The following TCEANC2 variants were observed in gnomAD, a reference collection of about 807,000 sequenced individuals.
TCEANC2 encodes the protein transcription elongation factor A N-terminal and central domain-containing protein 2.
A neutral mutation model predicts 22.8 loss-of-function variants in TCEANC2; 20 were observed. The observed-to-expected ratio is 0.88, with a 90% CI of 0.62 to 1.28. TCEANC2 has a LOEUF of 1.28. TCEANC2 is among the 50% of genes most tolerant of loss of function. TCEANC2 has a pLI of 0.00. For synonymous variants in TCEANC2, 84 were observed against 95.5 expected (o/e 0.88, Z 0.70); for missense variants, 251 against 249.7 (o/e 1.01, Z -0.03).
At chr1:54,067,271 A>G (rs1657974296) in intron 2 of TCEANC2, among the ~76,000 whole-genome samples, 1 of 152,182 alleles carries the variant, frequency 6.6e-6, no homozygotes, top group Admixed American at 6.5e-5. Context: ...ATGAAAATTG[A>G]TGGGTCCACA....
At chr1:54,109,372 G>A (rs1658808143), downstream of TCEANC2, among the ~76,000 whole-genome samples, 1 of 152,208 alleles carries the variant, frequency 6.6e-6, no homozygotes. Flanking sequence ...AGGAGGAATA[G>A]CATGAAGTGA....
intron 2 of TCEANC2, among the ~76,000 whole-genome samples, chr1:54,060,383 C>T (rs1008872650): frequency 2.0e-5 from 3 of 148,514 alleles, no homozygotes; most frequent in Middle Eastern, 3.4e-3. Context: ...CCAAGCTGGG[C>T]GACAGAGCGA....
intron 3 of TCEANC2, among the ~76,000 whole-genome samples, chr1:54,084,169 T>C (rs577785070): frequency 5.2e-4 from 79 of 152,152 alleles, no homozygotes; most frequent in African/African-American, 1.7e-3. Flanking sequence ...TTCACCACCT[T>C]GCCCAGCTAA....
chr1:54,059,106 A>G (rs1657804274), intron 2 of TCEANC2, among the ~76,000 whole-genome samples: 1 of 151,080 alleles, frequency 6.6e-6, no homozygotes, highest in South Asian at 2.1e-4. Context: ...TACTTTGCCT[A>G]TAAATCTTAG....
chr1:54,095,527 C>G (rs1423301078), intron 4 of TCEANC2, among the ~76,000 whole-genome samples: 2 of 152,180 alleles, frequency 1.3e-5, no homozygotes, highest in African/African-American at 4.8e-5. Context: ...CCAGATCTCT[C>G]CTGCTTTGAT....
chr1:54,096,661 A>C lies in TCEANC2; in HGVS notation c.*188A>C. 1 of 1,298,316 alleles carries C rather than the reference A, an allele frequency of 7.7e-7. No homozygotes were observed. The allele number at this position is 1,298,316 out of a possible 1,614,324, so 80.4% of individuals were successfully genotyped here. On this transcript the variant is annotated 3_prime_UTR_variant, in exon 5 of 5. Coordinates refer to ENST00000234827, the MANE Select transcript of TCEANC2 (RefSeq NM_153035.3). This position sits in a 1 kb window ranked among gnomAD's most constrained non-coding sequence, Gnocchi z 4.9. ...CAGGCCTGCAGGAATGTGCTTCATT[A>C]GCTGCAGTGCGCTGGTGCTGCCTAA...
At chr1:54,106,104 T>C (rs1312248744), downstream of TCEANC2, 1 of 152,212 alleles carries the variant, frequency 6.6e-6, no homozygotes, top group Non-Finnish European at 1.5e-5. Context: ...CTGCATTTGG[T>C]TCATGGGCCT....
chr1:54,060,502 G>C (rs983232425), intron 2 of TCEANC2, among the ~76,000 whole-genome samples: 2 of 152,098 alleles, frequency 1.3e-5, no homozygotes, highest in African/African-American at 4.8e-5. Context: ...TCAGGAGGTT[G>C]AGGCTGTAGT....
At chr1:54,091,881 A>G (rs1441990604) in intron 4 of TCEANC2, among the ~76,000 whole-genome samples, 2 of 152,156 alleles carry the variant, frequency 1.3e-5, no homozygotes, top group East Asian at 3.9e-4. Flanking sequence ...ATGTCATTTA[A>G]AAAAATGAAC....
chr1:54,092,234 C>T (rs1198916410), intron 4 of TCEANC2, among the ~76,000 whole-genome samples: 2 of 152,146 alleles, frequency 1.3e-5, no homozygotes, highest in Non-Finnish European at 2.9e-5. Flanking sequence ...ATGAATGAGT[C>T]GCATTCCCTA....
intron 3 of TCEANC2, among the ~76,000 whole-genome samples, chr1:54,078,851 G>A (rs1202281019): frequency 6.6e-6 from 1 of 152,182 alleles, no homozygotes; most frequent in Admixed American, 6.5e-5. Flanking sequence ...AGTGTGGTTA[G>A]ACAGGACGAG....
At chr1:54,054,625 T>C in intron 2 of TCEANC2, 101 bp downstream of exon 2, 1 of 1,178,720 alleles carries the variant, frequency 8.5e-7, no homozygotes, top group Non-Finnish European at 1.2e-6. Context: ...TTTCTTGTTA[T>C]GCCTCCTCCT....
intron 4 of TCEANC2, among the ~76,000 whole-genome samples, chr1:54,095,635 A>C (rs1393566071): frequency 2.6e-5 from 4 of 152,182 alleles, no homozygotes; most frequent in African/African-American, 9.7e-5. Flanking sequence ...TGGAAACTGT[A>C]GGCGTCTCTC....
intron 3 of TCEANC2, among the ~76,000 whole-genome samples, chr1:54,073,466 G>A (rs771857600): frequency 5.9e-5 from 9 of 152,186 alleles, no homozygotes; most frequent in Non-Finnish European, 1.0e-4. Flanking sequence ...TATTTCAGCA[G>A]CATTGCTATT....
At chr1:54,110,465 G>A (rs540756656), downstream of TCEANC2, among the ~76,000 whole-genome samples, 5 of 152,148 alleles carry the variant, frequency 3.3e-5, no homozygotes, top group South Asian at 2.1e-4. Context: ...ATAGCCAGAT[G>A]TGGTGGCATG....
At chr1:54,111,468 G>A in exon 5 of TCEANC2, 1 of 152,156 alleles carries the variant, frequency 6.6e-6, no homozygotes, top group East Asian at 1.9e-4. Context: ...GTACTACTCA[G>A]GAAGGTCAAC....
At chr1:54,087,197 T>C (rs1301208508) in intron 3 of TCEANC2, among the ~76,000 whole-genome samples, 1 of 152,194 alleles carries the variant, frequency 6.6e-6, no homozygotes, top group East Asian at 1.9e-4. Context: ...TTTTTAAACT[T>C]TTAGTTTTAA....
At chr1:54,068,271 A>G (rs555145671) in intron 2 of TCEANC2, among the ~76,000 whole-genome samples, 6 of 152,272 alleles carry the variant, frequency 3.9e-5, no homozygotes, top group South Asian at 4.1e-4. Flanking sequence ...GTATCTTTCT[A>G]TGTGTTTGAA....
Position 54,096,596 on chromosome 1 carries a change from C to A in TCEANC2, c.*123C>A. Reference sequence around the variant, plus strand: ...GCTGTGCTAGATTTTCCCATGGTGCCGTTCCTTTGCAGACAGAGGATTCGG... The same window carrying A: ...GCTGTGCTAGATTTTCCCATGGTGCAGTTCCTTTGCAGACAGAGGATTCGG... On this transcript the variant is annotated 3_prime_UTR_variant, in exon 5 of 5. Coordinates refer to ENST00000234827, the MANE Select transcript of TCEANC2 (RefSeq NM_153035.3). This position sits in a 1 kb window ranked among gnomAD's most constrained non-coding sequence, Gnocchi z 4.9. 1 of 1,421,212 alleles carries A rather than the reference C, an allele frequency of 7.0e-7. No homozygotes were observed. Among genetic ancestry groups the A allele is most frequent in the Non-Finnish European group, 9.2e-7 (1 of 1,083,002 alleles). The allele number at this position is 1,421,212 out of a possible 1,614,324, so 88.0% of individuals were successfully genotyped here. A position where few individuals can be genotyped will look rare whatever the true frequency, so the allele number is the denominator to read the frequency against.
Sources: allele counts gnomAD v4.1 joint callset (sites outside exome capture counted in the v4.1 genomes callset), GRCh38; gene constraint gnomAD v4.1.1; non-coding constraint Gnocchi (gnomAD v3.1); transcripts MANE v1.5; gene names NCBI Gene and HGNC (gene_info 2026-07-23, HGNC 2026-07-21).